DNAH10: variants seen among roughly 807,000 people sequenced by gnomAD.
DNAH10 encodes the protein axonemal beta dynein heavy chain 10.
DNAH10 carries 348 observed loss-of-function variants against 506.6 expected under a neutral mutation model. The ratio of observed to expected loss-of-function variants is 0.69; its 90% confidence interval spans 0.63 to 0.75. DNAH10 has a LOEUF of 0.75. Ranked by LOEUF, DNAH10 falls within the 30% of genes least tolerant of loss-of-function variation. The pLI is 0.00. For missense variants in DNAH10, 5,179 were observed against 5,787.1 expected, an observed-to-expected ratio of 0.89 and a Z score of 3.41; for synonymous variants, 2,059 against 2,198.6, an observed-to-expected ratio of 0.94 and a Z score of 1.78.
chr12:123,847,981 T>C lies in DNAH10; in HGVS notation c.5835T>C (p.Gly1945=). 3 of 1,613,358 alleles carry C rather than the reference T, an allele frequency of 1.9e-6. No homozygotes were observed. Among genetic ancestry groups the C allele is most frequent in the Non-Finnish European group, 2.5e-6 (3 of 1,179,608 alleles). ...AACAGGCGCTGTCCATGTATCTAGG[T>C]GGGGCCCCCGCCGGCCCAGCAGGAA... is the stretch of plus-strand genomic sequence containing the variant. ...TLTQALSMYL[G]GAPAGPAGTG... Residue 1945 remains glycine (G), a synonymous_variant, in exon 33 of 79, where the codon GGT becomes GGC. Transcript: ENST00000673944.
At chr12:123,847,218 T>TTTATC (rs370500982) in intron 32 of DNAH10, among the ~76,000 whole-genome samples, 228 of 142,836 alleles carry the variant, frequency 1.6e-3, no homozygotes, top group Non-Finnish European at 2.9e-3. Context: ...ATCCATCCTA[T>TTTATC]TATCTATCTA....
intron 32 of DNAH10, among the ~76,000 whole-genome samples, chr12:123,847,219 TATC>T (rs1348560201): frequency 7.5e-4 from 10 of 13,262 alleles, no homozygotes; most frequent in South Asian, 2.8e-3. Flanking sequence ...TCCATCCTAT[TATC>T]TATCTATCTA....
At chr12:123,865,376 G>T (rs1951765411) in intron 40 of DNAH10, among the ~76,000 whole-genome samples, 1 of 152,118 alleles carries the variant, frequency 6.6e-6, no homozygotes, top group Non-Finnish European at 1.5e-5. Flanking sequence ...TCGTTTCATA[G>T]GTGTGGCCCT....
rs547996832 is a variant in DNAH10 at position 123,801,464 on chromosome 12, G to A, written c.2614+32G>A. ...TCATTCATCTATTGATTGCCTTTTA[G>A]ACTTGGGATGCAAAGTAATTCTTTT... On this transcript the variant is annotated intron_variant, in intron 16 of 78. Transcript: ENST00000673944. The A allele has an allele frequency of 1.3e-5, 20 of 1,598,456 alleles. No individual in the cohort carries two copies. In the East Asian group the frequency reaches 3.1e-4, roughly 25 times the overall value.
chr12:123,871,066 C>G (rs927225613), intron 44 of DNAH10, among the ~76,000 whole-genome samples: 2 of 152,174 alleles, frequency 1.3e-5, no homozygotes, highest in African/African-American at 4.8e-5. Context: ...GGGTTGAAAC[C>G]TGCCAGTGCA....
chr12:123,866,479 G>A (rs1472366307), intron 41 of DNAH10, among the ~76,000 whole-genome samples: 4 of 151,758 alleles, frequency 2.6e-5, no homozygotes, highest in African/African-American at 4.8e-5. Flanking sequence ...TCTTGAGCTC[G>A]TGATCTGCCC....
At chr12:123,933,539 G>A in intron 77 of DNAH10, 28 bp downstream of exon 77, 8 of 1,555,170 alleles carry the variant, frequency 5.1e-6, no homozygotes, top group Non-Finnish European at 6.1e-6. Flanking sequence ...GGGATCCACA[G>A]CCTCTCACTT....
At position 123,861,115 on chromosome 12, in the gene DNAH10, G is replaced by A. The variant is rs1951594466; in HGVS notation, c.6853G>A (p.Val2285Met). ...AACCACCCGAGACTGGACAGATGGGGTGTTGTCAAACATCTTCAGGGAAAT... is the reference window on the plus strand; with the variant it reads ...AACCACCCGAGACTGGACAGATGGGATGTTGTCAAACATCTTCAGGGAAAT... ...DPTTRDWTDG[V>M]LSNIFREINK... Residue 2285 changes from valine to methionine, a missense_variant, in exon 39 of 79, where the codon GTG (valine) becomes ATG (methionine). This residue lies in a region of DNAH10 where 4,844 missense variants were observed against 5,430.5 expected (regional missense o/e 0.89). Coordinates refer to ENST00000673944, the MANE Select transcript of DNAH10 (RefSeq NM_001372106.1). 5 of 1,613,868 alleles carry A rather than the reference G, an allele frequency of 3.1e-6. No individual in the cohort carries two copies. The highest frequency in any genetic ancestry group is 1.7e-5 in the Admixed American group (1 of 59,996).
chr12:123,909,063 A>G lies in DNAH10; in HGVS notation c.9816-198A>G, dbSNP rs1176775860. Among the ~76,000 whole-genome samples the G allele has an allele frequency of 6.6e-6, 1 of 152,040 alleles. No individual in the cohort carries two copies. Among genetic ancestry groups the G allele is most frequent in the Non-Finnish European group, 1.5e-5 (1 of 67,988 alleles). ...CCAGGCGCCTGGTCTGGAACCTGAG[A>G]GGGGGACCCGGCCCTGCCCTTAGGG... On this transcript the variant is annotated intron_variant, in intron 57 of 78. Transcript: ENST00000673944. The surrounding 1 kb of genome is among the most constrained non-coding windows in gnomAD (Gnocchi z 5.4).
intron 26 of DNAH10, among the ~76,000 whole-genome samples, chr12:123,832,772 G>A (rs1960708629): frequency 6.6e-6 from 1 of 152,186 alleles, no homozygotes; most frequent in Non-Finnish European, 1.5e-5. Context: ...GGCAGACTGT[G>A]GGGTTTAGAC....
Position 123,914,870 on chromosome 12 carries a change from T to TC in DNAH10, c.10599dup (p.Asp3534ArgfsTer2), listed in dbSNP as rs758148762. ...CTTCCAGATGGGGATCCCAGGGCCTTCCCCCCGATGAGCTCTCCGTTCAGA... is the reference window on the plus strand; with the variant it reads ...CTTCCAGATGGGGATCCCAGGGCCTTCCCCCCCGATGAGCTCTCCGTTCAGA... On this transcript the variant is annotated frameshift_variant, in exon 62 of 79. Coordinates refer to ENST00000673944, the MANE Select transcript of DNAH10 (RefSeq NM_001372106.1). LOFTEE classifies it high-confidence loss of function. The TC allele has an allele frequency of 2.5e-6, 4 of 1,612,984 alleles. No homozygotes were observed. Among genetic ancestry groups the TC allele is most frequent in the East Asian group, 2.2e-5 (1 of 44,850 alleles).
intron 26 of DNAH10, among the ~76,000 whole-genome samples, chr12:123,832,210 T>A (rs915210380): frequency 7.9e-5 from 12 of 152,166 alleles, no homozygotes; most frequent in African/African-American, 2.7e-4. Context: ...TATATATACA[T>A]GTATACATAT....
chr12:123,913,351 G>C lies in DNAH10; in HGVS notation c.10352+36G>C, dbSNP rs747848965. On this transcript the variant is annotated intron_variant, in intron 60 of 78. Transcript: ENST00000673944. This position sits in a 1 kb window ranked among gnomAD's most constrained non-coding sequence, Gnocchi z 5.1. ...CTCACGAGCCCACCTGTTGCGGTTT[G>C]TAAACGGACGTCACCCACAGAGTTT... 28 of 1,522,548 alleles carry C rather than the reference G, an allele frequency of 1.8e-5. No individual in the cohort carries two copies. In the South Asian group the frequency reaches 2.6e-4, roughly 14 times the overall value. 94.3% of individuals were successfully genotyped at this position (1,522,548 alleles called of 1,614,324 possible).
At chr12:123,863,289 C>T (rs764926006) in intron 39 of DNAH10, among the ~76,000 whole-genome samples, 47 of 152,294 alleles carry the variant, frequency 3.1e-4, no homozygotes, top group Non-Finnish European at 5.1e-4. Context: ...TGGACGTAGA[C>T]GTGCTGCCAG....
At chr12:123,882,610 T>A (rs1169866003) in intron 51 of DNAH10, among the ~76,000 whole-genome samples, 2 of 151,796 alleles carry the variant, frequency 1.3e-5, no homozygotes, top group African/African-American at 4.8e-5. Context: ...CTTGCCAACA[T>A]GGTGAAACCC....
chr12:123,856,623 C>T (rs149723725), intron 36 of DNAH10, among the ~76,000 whole-genome samples: 2,407 of 150,702 alleles, frequency 0.016, 66 homozygotes, highest in African/African-American at 0.055. Context: ...TGAGCCACTG[C>T]ACCCGGCCAT....
At chr12:123,893,906 G>A (rs1374410675) in intron 53 of DNAH10, among the ~76,000 whole-genome samples, 1 of 152,126 alleles carries the variant, frequency 6.6e-6, no homozygotes, top group African/African-American at 2.4e-5. Context: ...GCATCCTACA[G>A]TGCACAGCCA....
Position 123,914,838 on chromosome 12 carries a change from G to T in DNAH10, c.10575-14G>T. The T allele has an allele frequency of 6.2e-7, 1 of 1,611,894 alleles. No homozygotes were observed. Among genetic ancestry groups the T allele is most frequent in the African/African-American group, 1.3e-5 (1 of 74,974 alleles). On this transcript the variant is annotated splice_polypyrimidine_tract_variant and intron_variant, in intron 61 of 78. Transcript: ENST00000673944. ...GGTGAGAAAAATTCATTTCCCAATG[G>T]CTGTTTCTTCCAGATGGGGATCCCA...
In DNAH10 at chr12:123,909,467, C is replaced by T. The variant is rs769058367; in HGVS notation, c.9997+25C>T. On this transcript the variant is annotated intron_variant, in intron 58 of 78. Coordinates refer to ENST00000673944, the MANE Select transcript of DNAH10 (RefSeq NM_001372106.1). The surrounding 1 kb of genome is among the most constrained non-coding windows in gnomAD (Gnocchi z 5.4). ...GGTGAGTGTAGCCACGTGTGGGAAT[C>T]GCCAGGGTGGATCTCGGTCTGGCAT... The T allele has an allele frequency of 7.2e-6, 11 of 1,529,430 alleles. No homozygotes were observed. The highest frequency in any genetic ancestry group is 4.1e-5 in the African/African-American group (3 of 73,150). 94.7% of individuals were successfully genotyped at this position (1,529,430 alleles called of 1,614,324 possible).
Sources: gnomAD v4.1 joint callset for allele counts (sites outside exome capture counted in the v4.1 genomes callset) on GRCh38, gnomAD v4.1.1 for gene constraint, gnomAD v4.1.1 regional missense constraint, Gnocchi (gnomAD v3.1) non-coding constraint, MANE v1.5 for transcripts, NCBI Gene and HGNC (gene_info 2026-07-23, HGNC 2026-07-21) for gene names.